The following KIF13B variants were observed in gnomAD, a reference collection of about 807,000 sequenced individuals.
KIF13B encodes kinesin family member 13B.
A neutral mutation model predicts 222.0 loss-of-function variants in KIF13B; 127 were observed. The ratio of observed to expected loss-of-function variants is 0.57; its 90% CI spans 0.50 to 0.66. The LOEUF is 0.66. Ranked by LOEUF, KIF13B falls within the 30% of genes least tolerant of loss-of-function variation. The probability of loss-of-function intolerance (pLI) is 0.00; values close to 1 mark genes in which losing one functional copy is unlikely to be tolerated. For missense variants in KIF13B, 2,173 were observed against 2,379.0 expected, an observed-to-expected ratio of 0.91 and a Z score of 1.80; for synonymous variants, 976 against 919.0, an observed-to-expected ratio of 1.06 and a Z score of -1.12.
intron 35 of KIF13B, among the ~76,000 whole-genome samples, chr8:29,103,172 G>T (rs990216079): frequency 7.9e-5 from 12 of 151,470 alleles, no homozygotes; most frequent in African/African-American, 2.9e-4. Context: ...AACCCAGGAG[G>T]CGGAGCTTGC....
intron 10 of KIF13B, among the ~76,000 whole-genome samples, chr8:29,171,487 A>G (rs1312082745): frequency 1.3e-5 from 2 of 152,168 alleles, no homozygotes; most frequent in African/African-American, 4.8e-5. Context: ...TACAAGTTCA[A>G]TGGAAATTAT....
At chr8:29,123,534 T>G in intron 27 of KIF13B, 42 bp from the exon 28 acceptor site, 2 of 1,610,628 alleles carry the variant, frequency 1.2e-6, no homozygotes, top group Non-Finnish European at 1.7e-6. Flanking sequence ...AAACTTCACT[T>G]GCCATTTATC....
chr8:29,124,082 T>C lies in KIF13B; in HGVS notation c.3294A>G (p.Ala1098=), dbSNP rs774856005. 6.8e-6 allele frequency: 11 copies of C among 1,613,216 alleles called. No homozygotes were observed. Among genetic ancestry groups the C allele is most frequent in the Non-Finnish European group, 7.6e-6 (9 of 1,179,360 alleles). Residue 1098 remains alanine (A), a synonymous_variant, in exon 27 of 40, where the codon GCA becomes GCG. Coordinates refer to ENST00000524189, the MANE Select transcript of KIF13B (RefSeq NM_015254.4). Reference sequence around the variant, plus strand: ...CCAAGTACTCCTGACGTTTTGTTAATGCATTTAGCCATTTTCTACGAAGTC... The same window carrying C: ...CCAAGTACTCCTGACGTTTTGTTAACGCATTTAGCCATTTTCTACGAAGTC... ...LERLRRKWLN[A]LTKRQEYLDQ... is the part of the protein sequence containing the mutation.
intron 2 of KIF13B, among the ~76,000 whole-genome samples, chr8:29,244,792 A>T (rs758209995): frequency 1.5e-4 from 23 of 152,206 alleles, no homozygotes; most frequent in Non-Finnish European, 2.6e-4. Context: ...ATACTCAAAT[A>T]TTCATCCTCA....
chr8:29,153,834 TCTA>T (rs1039094380), intron 14 of KIF13B, among the ~76,000 whole-genome samples: 26 of 152,352 alleles, frequency 1.7e-4, no homozygotes, highest in African/African-American at 6.0e-4. Context: ...CAGCTGGGTT[TCTA>T]CTTCCTCTGT....
At chr8:29,222,513 GACTTTTTTTTTTTTTTTTT>G (rs1359807616) in intron 2 of KIF13B, among the ~76,000 whole-genome samples, 2,488 of 95,706 alleles carry the variant, frequency 0.026, 163 homozygotes, top group African/African-American at 0.097. Context: ...TCCCACACCT[GACTTTTTTTTTTTTTTTTT>G]TTTTTTTTTT....
intron 18 of KIF13B, 75 bp from the exon 19 acceptor site, chr8:29,142,378 T>G: frequency 7.7e-7 from 1 of 1,306,524 alleles, no homozygotes; most frequent in Non-Finnish European, 1.1e-6. Context: ...TCCACCCCCA[T>G]CAGTCAAATG....
At chr8:29,167,626 G>A in intron 10 of KIF13B, 41 bp from the exon 11 acceptor site, 2 of 1,501,614 alleles carry the variant, frequency 1.3e-6, no homozygotes, top group Non-Finnish European at 1.9e-6. Context: ...TATTAAAGTT[G>A]GAAGAAGACG....
At chr8:29,117,918 G>A (rs543366096) in intron 30 of KIF13B, among the ~76,000 whole-genome samples, 11 of 152,214 alleles carry the variant, frequency 7.2e-5, no homozygotes, top group Admixed American at 1.3e-4. Flanking sequence ...AGCACTTTGC[G>A]AAGCCAAGGC....
intron 37 of KIF13B, among the ~76,000 whole-genome samples, chr8:29,081,856 T>C (rs1807829721): frequency 6.6e-6 from 1 of 152,228 alleles, no homozygotes; most frequent in Non-Finnish European, 1.5e-5. Flanking sequence ...CTCGACACAT[T>C]TGTAAAGTAC....
rs532056334 is a variant in KIF13B, at chr8:29,148,178, C to T, written c.1813+399G>A. Among the ~76,000 whole-genome samples, 6 of 152,294 alleles carry T rather than the reference C, an allele frequency of 3.9e-5. No homozygotes were observed. In the South Asian group the frequency reaches 8.3e-4, roughly 21 times the overall value. Reference sequence around the variant, plus strand: ...CGAGATCGTGCCACTGCACCCTAGCCTGGGCGACAGAGCGAGACTCTCTCA... The same window carrying T: ...CGAGATCGTGCCACTGCACCCTAGCTTGGGCGACAGAGCGAGACTCTCTCA... On this transcript the variant is annotated intron_variant, in intron 16 of 39. Transcript: ENST00000524189.
rs1586819416 is a variant in KIF13B at position 29,130,804 on chromosome 8, T to C, written c.2943-139A>G. ...TCAGAATGATCTGTAGTTCAGTGAA[T>C]ACCATGCATGTACATACTGGCAAGA... On this transcript the variant is annotated intron_variant, in intron 23 of 39. Coordinates refer to ENST00000524189, the MANE Select transcript of KIF13B (RefSeq NM_015254.4). 21 of 719,956 alleles carry C rather than the reference T, an allele frequency of 2.9e-5. No homozygotes were observed. In the East Asian group the frequency reaches 5.5e-4, roughly 19 times the overall value. 44.6% of individuals were successfully genotyped at this position (719,956 alleles called of 1,614,324 possible).
chr8:29,116,176 C>T (rs1236889574), intron 31 of KIF13B, among the ~76,000 whole-genome samples: 6 of 152,214 alleles, frequency 3.9e-5, no homozygotes, highest in East Asian at 1.9e-4. Flanking sequence ...GGAGAGCAGG[C>T]GTGCGCCACT....
Position 29,181,908 on chromosome 8 carries a change from G to T in KIF13B, c.585+11C>A. 1 of 1,598,776 alleles carries T rather than the reference G, an allele frequency of 6.3e-7. No individual in the cohort carries two copies. Among genetic ancestry groups the T allele is most frequent in the Non-Finnish European group, 8.6e-7 (1 of 1,167,500 alleles). The stretch of plus-strand genomic sequence containing the variant: ...CTAAATTTAAATAGTTCACATACAG[G>T]ATGTTGTTACCTTGTAGCTTGTGAC... On this transcript the variant is annotated intron_variant, in intron 7 of 39. Coordinates refer to ENST00000524189, the MANE Select transcript of KIF13B (RefSeq NM_015254.4).
intron 37 of KIF13B, among the ~76,000 whole-genome samples, chr8:29,086,069 A>G (rs1372059535): frequency 2.6e-5 from 4 of 152,172 alleles, no homozygotes; most frequent in Non-Finnish European, 5.9e-5. Context: ...GAAGCCATAA[A>G]TAACTCCTTT....
intron 2 of KIF13B, among the ~76,000 whole-genome samples, chr8:29,199,772 C>T (rs1476585424): frequency 6.6e-6 from 1 of 152,046 alleles, no homozygotes; most frequent in African/African-American, 2.4e-5. Flanking sequence ...ACACATTAAC[C>T]ACTGCTCCTG....
chr8:29,121,013 T>A (rs1300081172), intron 29 of KIF13B, among the ~76,000 whole-genome samples: 2 of 130,708 alleles, frequency 1.5e-5, no homozygotes, highest in South Asian at 5.6e-4. Context: ...CTTCGCCCAC[T>A]TTTTGATGGG....
intron 2 of KIF13B, among the ~76,000 whole-genome samples, chr8:29,230,344 C>G (rs1459822852): frequency 6.6e-6 from 1 of 152,182 alleles, no homozygotes; most frequent in Admixed American, 6.5e-5. Context: ...CTACTGCTTA[C>G]GGGGTTGATC....
At chr8:29,142,366 ATTCC>A (rs1810855829) in intron 18 of KIF13B, 63 bp from the exon 19 acceptor site, 1 of 1,416,702 alleles carries the variant, frequency 7.1e-7, no homozygotes, top group African/African-American at 1.4e-5. Context: ...AAAGCTGACA[ATTCC>A]ACCCCCATCA....
Sources: gnomAD v4.1 joint callset for allele counts (sites outside exome capture counted in the v4.1 genomes callset) on GRCh38, gnomAD v4.1.1 for gene constraint, MANE v1.5 for transcripts, NCBI Gene and HGNC (gene_info 2026-07-23, HGNC 2026-07-21) for gene names.